Variants in C14orf132 observed in about 807,000 individuals in gnomAD.
C14orf132 encodes the protein chromosome 14 open reading frame 132, also known as uncharacterized protein C14orf132.
C14orf132 carries 6 observed loss-of-function variants against 5.8 expected under a neutral mutation model. That is an observed-to-expected ratio of 1.03 (90% CI 0.57 to 2.04). The LOEUF is 2.04. Among genes scored for constraint, C14orf132 ranks in the 30% most tolerant of loss-of-function variants. The pLI is 0.00. For synonymous variants in C14orf132, 51 were observed against 49.8 expected (o/e 1.02, Z -0.10); for missense variants, 125 against 115.8 (o/e 1.08, Z -0.37).
chr14:96,073,770 A>G (rs1297543975), intron 1 of C14orf132, among the ~76,000 whole-genome samples: 1 of 152,266 alleles, frequency 6.6e-6, no homozygotes, highest in African/African-American at 2.4e-5. Context: ...TCACAAGAGC[A>G]AAGACATGCA....
At chr14:96,054,596 T>C (rs965173947) in intron 1 of C14orf132, among the ~76,000 whole-genome samples, 1 of 152,146 alleles carries the variant, frequency 6.6e-6, no homozygotes, top group African/African-American at 2.4e-5. Context: ...AGATGGTGAA[T>C]GAGAAAGAAC....
intron 1 of C14orf132, among the ~76,000 whole-genome samples, chr14:96,045,012 C>T (rs1317479588): frequency 6.6e-6 from 1 of 152,210 alleles, no homozygotes. Flanking sequence ...TCTTGGCCCT[C>T]ATATTAGCAG....
At chr14:96,059,570 C>T (rs547150223) in intron 1 of C14orf132, among the ~76,000 whole-genome samples, 1 of 152,226 alleles carries the variant, frequency 6.6e-6, no homozygotes, top group Non-Finnish European at 1.5e-5. Context: ...AGCCACTGTG[C>T]TGTGCTCACT....
chr14:96,045,929 G>A (rs1390027646), intron 1 of C14orf132, among the ~76,000 whole-genome samples: 2 of 152,214 alleles, frequency 1.3e-5, no homozygotes, highest in Non-Finnish European at 2.9e-5. Context: ...CTTCCAGCGT[G>A]TAGTTTCCTC....
intron 1 of C14orf132, among the ~76,000 whole-genome samples, chr14:96,045,670 T>C (rs1886814646): frequency 6.6e-6 from 1 of 152,254 alleles, no homozygotes; most frequent in East Asian, 1.9e-4. Flanking sequence ...GATTTTCTCA[T>C]GCACTCTGGT....
intron 1 of C14orf132, among the ~76,000 whole-genome samples, chr14:96,045,029 A>G (rs1886795347): frequency 6.6e-6 from 1 of 152,186 alleles, no homozygotes; most frequent in Non-Finnish European, 1.5e-5. Flanking sequence ...GCAGCTGTTG[A>G]TCTTGGGGCA....
intron 1 of C14orf132, among the ~76,000 whole-genome samples, chr14:96,084,896 G>C (rs1350541927): frequency 6.6e-6 from 1 of 152,198 alleles, no homozygotes; most frequent in African/African-American, 2.4e-5. Flanking sequence ...CTGGTGACCT[G>C]GTAATGGTCA....
At chr14:96,085,735 T>C (rs960281913) in intron 1 of C14orf132, among the ~76,000 whole-genome samples, 1 of 152,214 alleles carries the variant, frequency 6.6e-6, no homozygotes, top group Non-Finnish European at 1.5e-5. Context: ...GTGTGTACCA[T>C]GATGCATGTA....
intron 1 of C14orf132, among the ~76,000 whole-genome samples, chr14:96,058,975 C>T (rs762627101): frequency 6.6e-6 from 1 of 152,222 alleles, no homozygotes; most frequent in African/African-American, 2.4e-5. Context: ...AGATTACCTT[C>T]CCCAGGCTGG....
chr14:96,069,911 G>A (rs994937056), intron 1 of C14orf132, among the ~76,000 whole-genome samples: 19 of 152,298 alleles, frequency 1.2e-4, no homozygotes, highest in African/African-American at 3.8e-4. Context: ...ATCTCCCTAA[G>A]GAGAAGTCTT....
rs936681721 is a variant in C14orf132 at position 96,093,331 on chromosome 14, C to A, written c.*6596C>A. The A allele has an allele frequency of 6.6e-6, 1 of 152,192 alleles. No homozygotes were observed. Among genetic ancestry groups the A allele is most frequent in the African/African-American group, 2.4e-5 (1 of 41,436 alleles). The allele number at this position is 152,192 out of a possible 1,614,324, so 9.4% of individuals were successfully genotyped here. On this transcript the variant is annotated 3_prime_UTR_variant, in exon 2 of 2. Coordinates refer to ENST00000555004, the MANE Select transcript of C14orf132 (RefSeq NM_001252507.3). ...GTCTCTGGGACCTCCAGGGACCTGG[C>A]CCCTCACCAATGCATATGAAGAGTA...
intron 1 of C14orf132, among the ~76,000 whole-genome samples, chr14:96,070,044 G>A (rs1042446688): frequency 6.6e-6 from 1 of 152,204 alleles, no homozygotes; most frequent in African/African-American, 2.4e-5. Context: ...GCCCCAGGAA[G>A]AGGGGCCGAC....
At chr14:96,051,846 C>T (rs897357370) in intron 1 of C14orf132, among the ~76,000 whole-genome samples, 2 of 152,234 alleles carry the variant, frequency 1.3e-5, no homozygotes, top group Admixed American at 6.5e-5. Flanking sequence ...CAGCCTTCAT[C>T]GTCTTTGTCA....
At chr14:96,063,854 C>T (rs1047211927) in intron 1 of C14orf132, among the ~76,000 whole-genome samples, 1 of 152,028 alleles carries the variant, frequency 6.6e-6, no homozygotes, top group South Asian at 2.1e-4. Context: ...GAATCTACAA[C>T]AAAATCAAAC....
At chr14:96,051,133 G>A (rs1595170416) in intron 1 of C14orf132, 13 of 398,516 alleles carry the variant, frequency 3.3e-5, no homozygotes, top group Middle Eastern at 6.2e-4. Flanking sequence ...GGTCAAGTGA[G>A]CCTGGGGAAT....
rs566691726 is a variant in C14orf132, at chr14:96,039,817, G to T, written c.27+290G>T. 2.0e-5 allele frequency among the ~76,000 whole-genome samples: 3 copies of T among 152,208 alleles called. No homozygotes were observed. In the South Asian group the frequency reaches 6.2e-4, roughly 32 times the overall value. On this transcript the variant is annotated intron_variant, in intron 1 of 1. Transcript: ENST00000555004. The surrounding 1 kb of genome is among the most constrained non-coding windows in gnomAD (Gnocchi z 5.3). ...GCGAGGAGCCTGGGCAGCCCGAGTC[G>T]CCCCCTTCTGCCCATCCCCCACTGC...
At chr14:96,063,392 T>C (rs1399904398) in intron 1 of C14orf132, among the ~76,000 whole-genome samples, 1 of 152,122 alleles carries the variant, frequency 6.6e-6, no homozygotes, top group Non-Finnish European at 1.5e-5. Context: ...CACTGTAACG[T>C]CTGTCTCCTG....
intron 1 of C14orf132, 24 bp from the exon 2 acceptor site, chr14:96,086,487 A>C: frequency 5.9e-6 from 9 of 1,525,636 alleles, no homozygotes; most frequent in East Asian, 2.4e-5. Flanking sequence ...GGCCCTGGAT[A>C]ATTCTCTCTC....
intron 1 of C14orf132, among the ~76,000 whole-genome samples, chr14:96,069,601 G>C (rs969695735): frequency 6.6e-6 from 1 of 152,060 alleles, no homozygotes; most frequent in Non-Finnish European, 1.5e-5. Context: ...CAGTCAGCCT[G>C]GGCAGGCAGG....
Sources: allele counts gnomAD v4.1 joint callset (sites outside exome capture counted in the v4.1 genomes callset), GRCh38; gene constraint gnomAD v4.1.1; non-coding constraint Gnocchi (gnomAD v3.1); transcripts MANE v1.5; gene names NCBI Gene and HGNC (gene_info 2026-07-23, HGNC 2026-07-21).